CCBE1: variants seen among roughly 807,000 people sequenced by gnomAD.
CCBE1 encodes collagen and calcium-binding EGF domain-containing protein 1.
In CCBE1, 37 loss-of-function variants were observed where a neutral mutation model predicts 50.0. The observed-to-expected ratio is 0.74, with a 90% CI of 0.57 to 0.97. The LOEUF (loss-of-function observed/expected upper bound fraction) is 0.97. CCBE1 is among the 50% of genes least tolerant of loss of function. CCBE1 has a pLI of 0.00. For missense variants in CCBE1, 538 were observed against 523.8 expected (o/e 1.03, Z -0.26); for synonymous variants, 234 against 203.7 (o/e 1.15, Z -1.27).
chr18:59,694,602 C>T (rs2054780615), intron 2 of CCBE1, among the ~76,000 whole-genome samples: 1 of 152,126 alleles, frequency 6.6e-6, no homozygotes, highest in African/African-American at 2.4e-5. Flanking sequence ...GCCCAGGATT[C>T]CAACAAGCTC....
chr18:59,542,222 T>A (rs1915496710), intron 2 of CCBE1, among the ~76,000 whole-genome samples: 1 of 150,722 alleles, frequency 6.6e-6, no homozygotes, highest in South Asian at 2.1e-4. Context: ...TTAAAAGAAC[T>A]ATGCTTTCTC....
intron 2 of CCBE1, among the ~76,000 whole-genome samples, chr18:59,624,870 A>G (rs1052156506): frequency 1.3e-5 from 2 of 152,216 alleles, no homozygotes; most frequent in African/African-American, 2.4e-5. Context: ...TAATTCACTA[A>G]CCTTAAAAAC....
At chr18:59,626,569 C>T (rs962537316) in intron 2 of CCBE1, among the ~76,000 whole-genome samples, 6 of 152,238 alleles carry the variant, frequency 3.9e-5, no homozygotes, top group African/African-American at 1.4e-4. Context: ...AGTGTTAGCT[C>T]ATTTACCTCA....
At chr18:59,458,642 G>A (rs551628374) in intron 5 of CCBE1, among the ~76,000 whole-genome samples, 1 of 152,354 alleles carries the variant, frequency 6.6e-6, no homozygotes, top group Admixed American at 6.5e-5. Flanking sequence ...AGATTGCTGT[G>A]CGAAGAGACC....
chr18:59,476,012 C>T (rs374593323), intron 3 of CCBE1, among the ~76,000 whole-genome samples: 9 of 152,210 alleles, frequency 5.9e-5, no homozygotes, highest in African/African-American at 1.9e-4. Flanking sequence ...GCCACTGCGG[C>T]TGGCTACTCT....
chr18:59,588,364 C>G (rs1373751099), intron 2 of CCBE1, among the ~76,000 whole-genome samples: 2 of 151,938 alleles, frequency 1.3e-5, no homozygotes, highest in African/African-American at 2.4e-5. Context: ...GAGTTTGAGA[C>G]CAGCTTGGGA....
At chr18:59,597,929 C>T (rs1253082417) in intron 2 of CCBE1, among the ~76,000 whole-genome samples, 3 of 152,142 alleles carry the variant, frequency 2.0e-5, no homozygotes, top group African/African-American at 2.4e-5. Flanking sequence ...TAGTTTATTT[C>T]TAATCTCTCT....
Position 59,435,963 on chromosome 18 carries a change from T to A in CCBE1, c.1166A>T (p.His389Leu). ...EAMDLGSGDD[H>L]PRRTETRDLR... is the part of the protein sequence containing the mutation. ...GTCTCTTGTCTCAGTTCTTCTTGGA[T>A]GGTCATCTCCAGAGCCCAGGTCCAT... Residue 389 changes from histidine (H) to leucine (L), a missense_variant, in exon 11 of 11, where the codon CAT becomes CTT. His to Leu is a moderately conservative substitution (Grantham distance 99). Coordinates refer to ENST00000439986, the MANE Select transcript of CCBE1 (RefSeq NM_133459.4). The A allele has an allele frequency of 6.2e-7, 1 of 1,614,150 alleles. No individual in the cohort carries two copies. Among genetic ancestry groups the A allele is most frequent in the Non-Finnish European group, 8.5e-7 (1 of 1,180,018 alleles).
chr18:59,630,801 T>C (rs2053840001), intron 2 of CCBE1, among the ~76,000 whole-genome samples: 1 of 152,216 alleles, frequency 6.6e-6, no homozygotes, highest in Non-Finnish European at 1.5e-5. Flanking sequence ...CAATGTATCT[T>C]TGATTTTGTA....
intron 2 of CCBE1, among the ~76,000 whole-genome samples, chr18:59,484,545 G>C (rs540628876): frequency 1.3e-5 from 2 of 152,226 alleles, no homozygotes; most frequent in Non-Finnish European, 2.9e-5. Flanking sequence ...ACGCAGTGGA[G>C]TAAGAAGCAA....
intron 2 of CCBE1, among the ~76,000 whole-genome samples, chr18:59,552,592 A>C (rs1915968665): frequency 6.6e-6 from 1 of 152,344 alleles, no homozygotes; most frequent in Non-Finnish European, 1.5e-5. Flanking sequence ...AGTATTTCAA[A>C]GTTGGCAATA....
At chr18:59,452,708 G>C (rs1479779942) in intron 6 of CCBE1, among the ~76,000 whole-genome samples, 2 of 152,172 alleles carry the variant, frequency 1.3e-5, no homozygotes, top group Non-Finnish European at 2.9e-5. Flanking sequence ...ACCTCTCTAA[G>C]ACCATCAGTA....
At chr18:59,587,846 C>G (rs2053200233) in intron 2 of CCBE1, among the ~76,000 whole-genome samples, 1 of 152,124 alleles carries the variant, frequency 6.6e-6, no homozygotes, top group South Asian at 2.1e-4. Context: ...AAAATTTATA[C>G]TTGAAATCAA....
At position 59,692,990 on chromosome 18, in the gene CCBE1, A is replaced by ACAC. The variant is rs2054754891; in HGVS notation, c.212+3636_212+3638dup. The stretch of plus-strand genomic sequence containing the variant: ...CACACACACACACACACACACACAC[A>ACAC]CACACACACACACAAACAAAAAACG... On this transcript the variant is annotated intron_variant, in intron 2 of 10. Coordinates refer to ENST00000439986, the MANE Select transcript of CCBE1 (RefSeq NM_133459.4). 4.6e-5 allele frequency among the ~76,000 whole-genome samples: 7 copies of ACAC among 151,910 alleles called. No individual in the cohort carries two copies. The South Asian group carries it at 1.5e-3, about 32-fold the overall frequency.
chr18:59,544,875 A>G (rs913425228), intron 2 of CCBE1, among the ~76,000 whole-genome samples: 3 of 152,252 alleles, frequency 2.0e-5, no homozygotes, highest in Non-Finnish European at 4.4e-5. Flanking sequence ...GTTGATAACG[A>G]ATTGGAACAT....
Position 59,510,826 on chromosome 18 carries a change from A to G in CCBE1, c.213-30588T>C, listed in dbSNP as rs576000101. 1.4e-3 allele frequency among the ~76,000 whole-genome samples: 218 copies of G among 152,372 alleles called. 1 individual carries two copies. Among genetic ancestry groups the G allele is most frequent in the Middle Eastern group, 3.4e-3 (1 of 294 alleles). On this transcript the variant is annotated intron_variant, in intron 2 of 10. Coordinates refer to ENST00000439986, the MANE Select transcript of CCBE1 (RefSeq NM_133459.4). Reference sequence around the variant, plus strand: ...TATTGTATATTGCATGCATGCATAAAGAAACATAGACTAGTTAAGATGGTC... The same window carrying G: ...TATTGTATATTGCATGCATGCATAAGGAAACATAGACTAGTTAAGATGGTC...
rs188333329 is a variant in CCBE1 at position 59,436,312 on chromosome 18, C to T, written c.988-171G>A. Reference sequence around the variant, plus strand: ...GCCTGGGGGTCCTCCATATTGTTTTCTAATTCTGTCACTTCTCAGCTGAGC... The same window carrying T: ...GCCTGGGGGTCCTCCATATTGTTTTTTAATTCTGTCACTTCTCAGCTGAGC... On this transcript the variant is annotated intron_variant, in intron 10 of 10. Coordinates refer to ENST00000439986, the MANE Select transcript of CCBE1 (RefSeq NM_133459.4). Among the ~76,000 whole-genome samples, 11 of 152,248 alleles carry T rather than the reference C, an allele frequency of 7.2e-5. No homozygotes were observed. The East Asian group carries it at 2.1e-3, about 29-fold the overall frequency.
chr18:59,688,515 G>C (rs894762440), intron 2 of CCBE1: 3 of 152,212 alleles, frequency 2.0e-5, no homozygotes, highest in African/African-American at 7.2e-5. Flanking sequence ...AGCCTACAAA[G>C]CGTGTGATAA....
At chr18:59,532,018 G>T (rs897244482) in intron 2 of CCBE1, among the ~76,000 whole-genome samples, 1 of 152,090 alleles carries the variant, frequency 6.6e-6, no homozygotes, top group African/African-American at 2.4e-5. Context: ...ATGTCCACTG[G>T]ACACCAAATA....
Sources: allele counts gnomAD v4.1 joint callset (sites outside exome capture counted in the v4.1 genomes callset), GRCh38; gene constraint gnomAD v4.1.1; transcripts MANE v1.5; gene names NCBI Gene and HGNC (gene_info 2026-07-23, HGNC 2026-07-21).